Variants in ZSWIM4 observed in about 807,000 individuals in gnomAD.
ZSWIM4 encodes zinc finger SWIM domain-containing protein 4.
In ZSWIM4, 62 loss-of-function variants were observed where a neutral mutation model predicts 102.5. The observed-to-expected ratio is 0.60, with a 90% CI of 0.49 to 0.75. The LOEUF is 0.75. Ranked by LOEUF, ZSWIM4 falls within the 30% of genes least tolerant of loss-of-function variation. The pLI is 0.00. For missense variants in ZSWIM4, 1,280 were observed against 1,529.6 expected, an observed-to-expected ratio of 0.84 and a Z score of 2.72; for synonymous variants, 652 against 674.5, an observed-to-expected ratio of 0.97 and a Z score of 0.52.
Position 13,825,863 on chromosome 19 carries a change from G to A in ZSWIM4, c.2379+150G>A. Reference sequence around the variant, plus strand: ...AGCTATTCCTCTGTGGCTGGGGACTGAGCGAGAACCACTCTTGGGGCGGGG... The same window carrying A: ...AGCTATTCCTCTGTGGCTGGGGACTAAGCGAGAACCACTCTTGGGGCGGGG... On this transcript the variant is annotated intron_variant, in intron 12 of 13. Transcript: ENST00000590508. The surrounding 1 kb of genome is among the most constrained non-coding windows in gnomAD (Gnocchi z 4.6). The A allele has an allele frequency of 1.7e-6, 2 of 1,156,410 alleles. No homozygotes were observed. The highest frequency in any genetic ancestry group is 2.4e-6 in the Non-Finnish European group (2 of 840,422). The allele number at this position is 1,156,410 out of a possible 1,614,324, so 71.6% of individuals were successfully genotyped here.
At chr19:13,827,771 G>T (rs1277592070) in intron 12 of ZSWIM4, among the ~76,000 whole-genome samples, 1 of 152,084 alleles carries the variant, frequency 6.6e-6, no homozygotes, top group East Asian at 1.9e-4. Flanking sequence ...CTTACAGAAG[G>T]CAGGGTCTGC....
chr19:13,802,141 A>G (rs1015926114), intron 2 of ZSWIM4, among the ~76,000 whole-genome samples: 4 of 136,782 alleles, frequency 2.9e-5, no homozygotes, highest in Non-Finnish European at 4.6e-5. Context: ...ACACCCAGCT[A>G]ATTTTTTCTA....
intron 12 of ZSWIM4, among the ~76,000 whole-genome samples, chr19:13,828,179 C>T (rs925552383): frequency 1.9e-4 from 29 of 152,164 alleles, no homozygotes; most frequent in Admixed American, 5.2e-4. Context: ...GAGGCTGAGG[C>T]GGGCGGATCA....
intron 8 of ZSWIM4, 55 bp from the exon 9 acceptor site, chr19:13,817,667 A>G (rs767248870): frequency 8.8e-6 from 14 of 1,588,736 alleles, no homozygotes; most frequent in Non-Finnish European, 9.4e-6. Flanking sequence ...CAAGGGCTAC[A>G]GGGACCTTAG....
intron 12 of ZSWIM4, among the ~76,000 whole-genome samples, chr19:13,826,479 T>C (rs1238049411): frequency 6.6e-6 from 1 of 152,006 alleles, no homozygotes; most frequent in Non-Finnish European, 1.5e-5. Context: ...TTGAAAGCCC[T>C]GTATGAGCCC....
chr19:13,829,676 C>G (rs970521110), intron 13 of ZSWIM4, among the ~76,000 whole-genome samples: 8 of 151,878 alleles, frequency 5.3e-5, no homozygotes, highest in Admixed American at 3.3e-4. Context: ...TACAAAAAAA[C>G]TAGCTGGGCG....
intron 5 of ZSWIM4, among the ~76,000 whole-genome samples, chr19:13,810,005 GAGA>G (rs1483003443): frequency 8.4e-6 from 1 of 118,556 alleles, no homozygotes; most frequent in Non-Finnish European, 1.8e-5. Context: ...TTTTTTTTTT[GAGA>G]AGGAGTCTCG....
Position 13,825,455 on chromosome 19 carries a change from C to T in ZSWIM4, c.2216-95C>T. On this transcript the variant is annotated intron_variant, in intron 11 of 13. Coordinates refer to ENST00000590508, the MANE Select transcript of ZSWIM4 (RefSeq NM_001367834.3). The surrounding 1 kb of genome is among the most constrained non-coding windows in gnomAD (Gnocchi z 4.6). The stretch of plus-strand genomic sequence containing the variant: ...TCCCTCCACACTCACACATGTGCCC[C>T]TGGGTGGAAGGATCTGTGTGAACAG... The T allele has an allele frequency of 6.9e-7, 1 of 1,441,386 alleles. No homozygotes were observed. The highest frequency in any genetic ancestry group is 2.3e-5 in the East Asian group (1 of 43,650). The allele number at this position is 1,441,386 out of a possible 1,614,324, so 89.3% of individuals were successfully genotyped here. A position where few individuals can be genotyped will look rare whatever the true frequency, so the allele number is the denominator to read the frequency against.
chr19:13,829,179 G>T (rs917791823), intron 13 of ZSWIM4, among the ~76,000 whole-genome samples: 1 of 150,738 alleles, frequency 6.6e-6, no homozygotes, highest in Non-Finnish European at 1.5e-5. Context: ...TATCCGGAGG[G>T]CTGAGGTGGG....
At position 13,825,428 on chromosome 19, in the gene ZSWIM4, C is replaced by T; in HGVS notation, c.2216-122C>T. 8.4e-7 allele frequency: 1 copy of T among 1,193,052 alleles called. No homozygotes were observed. Among genetic ancestry groups the T allele is most frequent in the Non-Finnish European group, 1.2e-6 (1 of 830,146 alleles). 73.9% of individuals were successfully genotyped at this position (1,193,052 alleles called of 1,614,324 possible). A position where few individuals can be genotyped will look rare whatever the true frequency, so the allele number is the denominator to read the frequency against. ...CTTCACAGAACCATGGCCCAGTACACATCCCTCCACACTCACACATGTGCC... is the reference window on the plus strand; with the variant it reads ...CTTCACAGAACCATGGCCCAGTACATATCCCTCCACACTCACACATGTGCC... On this transcript the variant is annotated intron_variant, in intron 11 of 13. Coordinates refer to ENST00000590508, the MANE Select transcript of ZSWIM4 (RefSeq NM_001367834.3). The surrounding 1 kb of genome is among the most constrained non-coding windows in gnomAD (Gnocchi z 4.6).
At chr19:13,801,155 G>GA (rs58833466) in intron 2 of ZSWIM4, among the ~76,000 whole-genome samples, 23 of 140,184 alleles carry the variant, frequency 1.6e-4, no homozygotes, top group Middle Eastern at 7.1e-3. Flanking sequence ...AGAGAAAAAA[G>GA]AAAAAAAAAA....
rs994905599 is a variant in ZSWIM4 at position 13,814,884 on chromosome 19, C to G, written c.1531+19C>G. 8.3e-7 allele frequency: 1 copy of G among 1,211,014 alleles called. No individual in the cohort carries two copies. Among genetic ancestry groups the G allele is most frequent in the East Asian group, 6.5e-5 (1 of 15,274 alleles). The allele number at this position is 1,211,014 out of a possible 1,614,324, so 75.0% of individuals were successfully genotyped here. On this transcript the variant is annotated intron_variant, in intron 7 of 13. Coordinates refer to ENST00000590508, the MANE Select transcript of ZSWIM4 (RefSeq NM_001367834.3). ...AAAAAAGGTCAGCCTCAGCCGGGCACGGGGGCTCGCACCTGTGATCCCAGC... is the reference window on the plus strand; with the variant it reads ...AAAAAAGGTCAGCCTCAGCCGGGCAGGGGGGCTCGCACCTGTGATCCCAGC...
At chr19:13,819,283 T>C in intron 9 of ZSWIM4, 74 bp from the exon 10 acceptor site, 3 of 1,579,818 alleles carry the variant, frequency 1.9e-6, no homozygotes, top group Non-Finnish European at 2.6e-6. Context: ...ACTTAAAGCC[T>C]GGGGTCTAGT....
intron 10 of ZSWIM4, among the ~76,000 whole-genome samples, chr19:13,821,561 T>G (rs1975463367): frequency 6.6e-6 from 1 of 152,120 alleles, no homozygotes; most frequent in Admixed American, 6.6e-5. Context: ...TTTTTTGTCC[T>G]TTTAGAGACA....
intron 2 of ZSWIM4, among the ~76,000 whole-genome samples, chr19:13,802,722 GC>G (rs1974807829): frequency 6.6e-6 from 1 of 152,092 alleles, no homozygotes; most frequent in South Asian, 2.1e-4. Context: ...GGTACCACAG[GC>G]GCAGGCCACC....
At chr19:13,812,749 C>G (rs547939570) in intron 5 of ZSWIM4, among the ~76,000 whole-genome samples, 2 of 151,956 alleles carry the variant, frequency 1.3e-5, no homozygotes, top group East Asian at 3.9e-4. Flanking sequence ...GGATTACAGG[C>G]GTGAGTCATC....
At position 13,804,915 on chromosome 19, in the gene ZSWIM4, G is replaced by A. The variant is rs753063903; in HGVS notation, c.479G>A (p.Arg160His). 1.2e-5 allele frequency: 20 copies of A among 1,613,356 alleles called. No individual in the cohort carries two copies. Among genetic ancestry groups the A allele is most frequent in the South Asian group, 3.3e-5 (3 of 91,086 alleles). Residue 160 changes from arginine (R) to histidine (H), a missense_variant, in exon 3 of 14, where the codon CGC (arginine) becomes CAC (histidine). Physicochemically the swap from Arg to His is conservative, Grantham distance 29. Transcript: ENST00000590508. ...TCCGTGAGCTGCGGCTGTGACAACCGCGACCTCTTCTACTGTGCCCACGTG... is the reference window on the plus strand; with the variant it reads ...TCCGTGAGCTGCGGCTGTGACAACCACGACCTCTTCTACTGTGCCCACGTG... ...ITSVSCGCDNRDLFYCAHVVA... is the reference protein window; with the variant it reads ...ITSVSCGCDNHDLFYCAHVVA...
Position 13,814,809 on chromosome 19 carries a change from A to G in ZSWIM4, c.1475A>G (p.Asn492Ser). Residue 492 changes from asparagine (N) to serine (S), a missense_variant, in exon 7 of 14, where the codon AAC becomes AGC. Transcript: ENST00000590508. ...QALRLASAII[N>S]TLRLQQRHQL... ...CTGCGGCTGGCAAGTGCCATCATCA[A>G]CACACTCCGGCTGCAGCAGCGGCAT... The G allele has an allele frequency of 7.8e-7, 1 of 1,280,224 alleles. No individual in the cohort carries two copies. The highest frequency in any genetic ancestry group is 1.0e-6 in the Non-Finnish European group (1 of 981,438). 79.3% of individuals were successfully genotyped at this position (1,280,224 alleles called of 1,614,324 possible). A position where few individuals can be genotyped will look rare whatever the true frequency, so the allele number is the denominator to read the frequency against.
intron 10 of ZSWIM4, among the ~76,000 whole-genome samples, chr19:13,822,975 G>A (rs1975507963): frequency 1.4e-5 from 2 of 147,370 alleles, no homozygotes; most frequent in South Asian, 2.1e-4. Flanking sequence ...GTGAAACTCC[G>A]TCTCAAAAAA....
Sources: gnomAD v4.1 joint callset for allele counts (sites outside exome capture counted in the v4.1 genomes callset) on GRCh38, gnomAD v4.1.1 for gene constraint, Gnocchi (gnomAD v3.1) non-coding constraint, MANE v1.5 for transcripts, NCBI Gene and HGNC (gene_info 2026-07-23, HGNC 2026-07-21) for gene names.